Variants in IDH3A observed in about 807,000 individuals in gnomAD.
IDH3A encodes the protein isocitrate dehydrogenase (NAD(+)) 3 catalytic subunit alpha, also known as isocitrate dehydrogenase [NAD] subunit alpha, mitochondrial.
IDH3A carries 23 observed loss-of-function variants against 43.3 expected under a neutral mutation model. The observed-to-expected ratio is 0.53, with a 90% confidence interval of 0.38 to 0.75. IDH3A has a LOEUF of 0.75. Among genes scored for constraint, IDH3A ranks in the 30% least tolerant of loss-of-function variants. IDH3A has a pLI of 0.00. For missense variants in IDH3A, 329 were observed against 474.4 expected (o/e 0.69, Z 2.85); for synonymous variants, 154 against 163.5 (o/e 0.94, Z 0.44).
chr15:78,161,944 T>C lies in IDH3A; in HGVS notation c.477+176T>C, dbSNP rs1283383741. 6.6e-6 allele frequency among the ~76,000 whole-genome samples: 1 copy of C among 152,116 alleles called. No homozygotes were observed. The highest frequency in any genetic ancestry group is 1.9e-4 in the East Asian group (1 of 5,186). On this transcript the variant is annotated intron_variant, in intron 5 of 10. Transcript: ENST00000299518. The surrounding 1 kb of genome is among the most constrained non-coding windows in gnomAD (Gnocchi z 4.8). ...AGGCATGGTGGTTCGCGTCACAAGC[T>C]TGGGAATATGCCCTCTGAATTTTGA... is the stretch of plus-strand genomic sequence containing the variant.
At chr15:78,166,588 G>T in intron 10 of IDH3A, 1 of 360,506 alleles carries the variant, frequency 2.8e-6, no homozygotes, top group Admixed American at 3.8e-5. Context: ...GCAGCATCAG[G>T]TGCACGCCCA....
intron 10 of IDH3A, chr15:78,168,234 CCACATAGTGAGA>C (rs888194245): frequency 6.7e-6 from 1 of 150,242 alleles, no homozygotes; most frequent in African/African-American, 2.5e-5. Context: ...CCAGCCTGGG[CCACATAGTGAGA>C]CCCCGTCTCT....
Position 78,171,437 on chromosome 15 carries a change from G to T in IDH3A, c.*2432G>T. The T allele has an allele frequency of 1.2e-6, 2 of 1,612,196 alleles. No individual in the cohort carries two copies. The highest frequency in any genetic ancestry group is 1.7e-6 in the Non-Finnish European group (2 of 1,178,294). Reference sequence around the variant, plus strand: ...TATTCTATAGAAACTGCAGGCATAGGCCCTGATTACATTTTTTGCTCTTGG... The same window carrying T: ...TATTCTATAGAAACTGCAGGCATAGTCCCTGATTACATTTTTTGCTCTTGG... On this transcript the variant is annotated 3_prime_UTR_variant, in exon 11 of 11. Transcript: ENST00000299518.
At chr15:78,165,981 G>T in intron 9 of IDH3A, 169 bp from the exon 10 acceptor site, 1 of 626,512 alleles carries the variant, frequency 1.6e-6, no homozygotes, top group Non-Finnish European at 2.8e-6. Flanking sequence ...GAGCTATCAC[G>T]CCCAACCCAG....
rs555914034 is a variant in IDH3A at position 78,166,700 on chromosome 15, T to C, written c.1017+398T>C. The stretch of plus-strand genomic sequence containing the variant: ...AGGCTGGGGTGCAGTGTCATAATCT[T>C]GGCTCACTGCAACCTGCACCTCCCG... On this transcript the variant is annotated intron_variant, in intron 10 of 10. Transcript: ENST00000299518. Among the ~76,000 whole-genome samples, 12 of 152,306 alleles carry C rather than the reference T, an allele frequency of 7.9e-5. 2 individuals carry two copies. The highest frequency in any genetic ancestry group is 3.4e-3 in the Middle Eastern group (1 of 294).
chr15:78,167,268 T>C (rs2074755268), intron 10 of IDH3A, among the ~76,000 whole-genome samples: 1 of 152,222 alleles, frequency 6.6e-6, no homozygotes, highest in Admixed American at 6.5e-5. Flanking sequence ...TTCCATTTTA[T>C]AGATGAGGAA....
At chr15:78,157,840 T>A (rs1218369970) in intron 3 of IDH3A, among the ~76,000 whole-genome samples, 3 of 151,380 alleles carry the variant, frequency 2.0e-5, no homozygotes, top group Admixed American at 6.6e-5. Flanking sequence ...TTTTTTTTTT[T>A]AAATTTAGAG....
intron 9 of IDH3A, among the ~76,000 whole-genome samples, chr15:78,165,524 C>A (rs1242812138): frequency 6.6e-6 from 1 of 151,906 alleles, no homozygotes; most frequent in Non-Finnish European, 1.5e-5. Flanking sequence ...CATATATAAA[C>A]ATATATATAT....
chr15:78,160,257 T>C, intron 4 of IDH3A, 51 bp downstream of exon 4: 1 of 1,088,796 alleles, frequency 9.2e-7, no homozygotes, highest in South Asian at 1.3e-5. Flanking sequence ...CTACAGGGGT[T>C]ACTTAGTTTT....
Position 78,159,266 on chromosome 15 carries a change from G to A in IDH3A, c.175-826G>A, listed in dbSNP as rs529564697. Among the ~76,000 whole-genome samples the A allele has an allele frequency of 6.6e-4, 100 of 151,926 alleles. 1 individual carries two copies. Among genetic ancestry groups the A allele is most frequent in the African/African-American group, 2.3e-3 (96 of 41,384 alleles). ...AAGAAACCCCATACCCTATGCAGTC[G>A]CTCCCCATTTCGTCTCTCTCCCTCC... On this transcript the variant is annotated intron_variant, in intron 3 of 10. Coordinates refer to ENST00000299518, the MANE Select transcript of IDH3A (RefSeq NM_005530.3).
intron 2 of IDH3A, among the ~76,000 whole-genome samples, chr15:78,156,114 G>A (rs11631100): frequency 0.4 from 61,204 of 152,010 alleles, 12,928 homozygotes; most frequent in African/African-American, 0.47. Context: ...CGTTCTTTTG[G>A]CTCTGCTTAT....
At chr15:78,157,232 T>G in intron 2 of IDH3A, 1 of 987,588 alleles carries the variant, frequency 1.0e-6, no homozygotes, top group Middle Eastern at 4.3e-4. Context: ...ATTGGTCTCT[T>G]TGCAGCTTGT....
Position 78,149,444 on chromosome 15 carries a change from G to T in IDH3A, c.27+14G>T, listed in dbSNP as rs925328697. 6 of 1,538,032 alleles carry T rather than the reference G, an allele frequency of 3.9e-6. No individual in the cohort carries two copies. The African/African-American group carries it at 8.5e-5, about 22-fold the overall frequency. ...TGGATCTCTAAGGTGAGCGCTGGCAGGCCGGCGTGTGGCAGGCAGGCAGGC... is the reference window on the plus strand; with the variant it reads ...TGGATCTCTAAGGTGAGCGCTGGCATGCCGGCGTGTGGCAGGCAGGCAGGC... On this transcript the variant is annotated intron_variant, in intron 1 of 10. Transcript: ENST00000299518.
chr15:78,167,126 A>G (rs1041365117), intron 10 of IDH3A, among the ~76,000 whole-genome samples: 10 of 152,286 alleles, frequency 6.6e-5, no homozygotes, highest in African/African-American at 1.9e-4. Flanking sequence ...GTGTGCATCT[A>G]TAATACAAAA....
intron 3 of IDH3A, 59 bp from the exon 4 acceptor site, chr15:78,160,033 T>A: frequency 9.8e-7 from 1 of 1,021,226 alleles, no homozygotes; most frequent in Non-Finnish European, 1.6e-6. Context: ...CATTGCAGTA[T>A]GAATGCCAGT....
chr15:78,157,162 A>C (rs1567069361), intron 2 of IDH3A: 14 of 1,112,166 alleles, frequency 1.3e-5, no homozygotes. Flanking sequence ...TCTAAATTTT[A>C]GTGAGAGAAC....
At chr15:78,151,570 A>T (rs2074575610) in intron 1 of IDH3A, 1 of 150,498 alleles carries the variant, frequency 6.6e-6, no homozygotes, top group African/African-American at 2.5e-5. Context: ...TGTCTCAAAA[A>T]AAAAAAAGAT....
Position 78,171,330 on chromosome 15 carries a change from G to T in IDH3A, c.*2325G>T, listed in dbSNP as rs1183073746. 2.6e-6 allele frequency: 2 copies of T among 780,418 alleles called. No homozygotes were observed. The highest frequency in any genetic ancestry group is 1.7e-5 in the South Asian group (1 of 58,190). The allele number at this position is 780,418 out of a possible 1,614,324, so 48.3% of individuals were successfully genotyped here. A position where few individuals can be genotyped will look rare whatever the true frequency, so the allele number is the denominator to read the frequency against. Reference sequence around the variant, plus strand: ...AGCCAGTGCTGTGCCCTGACCTGGAGATCTAACAGACTTGGCAGAAATGCC... The same window carrying T: ...AGCCAGTGCTGTGCCCTGACCTGGATATCTAACAGACTTGGCAGAAATGCC... On this transcript the variant is annotated 3_prime_UTR_variant, in exon 11 of 11. Coordinates refer to ENST00000299518, the MANE Select transcript of IDH3A (RefSeq NM_005530.3).
Position 78,161,429 on chromosome 15 carries a change from C to T in IDH3A, c.290-152C>T. 2 of 611,128 alleles carry T rather than the reference C, an allele frequency of 3.3e-6. No individual in the cohort carries two copies. Among genetic ancestry groups the T allele is most frequent in the Non-Finnish European group, 2.9e-6 (1 of 346,824 alleles). 37.9% of individuals were successfully genotyped at this position (611,128 alleles called of 1,614,324 possible). A position where few individuals can be genotyped will look rare whatever the true frequency, so the allele number is the denominator to read the frequency against. On this transcript the variant is annotated intron_variant, in intron 4 of 10. Coordinates refer to ENST00000299518, the MANE Select transcript of IDH3A (RefSeq NM_005530.3). The surrounding 1 kb of genome is among the most constrained non-coding windows in gnomAD (Gnocchi z 4.8). ...ACGCAGTTAATGTTCCAGAAAGCTCCCGTGAGGAAGTGTTCCTCCTTCATT... is the reference window on the plus strand; with the variant it reads ...ACGCAGTTAATGTTCCAGAAAGCTCTCGTGAGGAAGTGTTCCTCCTTCATT...
Sources: gnomAD v4.1 joint callset for allele counts (sites outside exome capture counted in the v4.1 genomes callset) on GRCh38, gnomAD v4.1.1 for gene constraint, Gnocchi (gnomAD v3.1) non-coding constraint, MANE v1.5 for transcripts, NCBI Gene and HGNC (gene_info 2026-07-23, HGNC 2026-07-21) for gene names.